Variants in ELOVL5 observed in about 807,000 individuals in gnomAD.
ELOVL5 encodes very long chain fatty acid elongase 5.
ELOVL5 carries 8 observed loss-of-function variants against 38.6 expected under a neutral mutation model. The ratio of observed to expected loss-of-function variants is 0.21; its 90% CI spans 0.12 to 0.37. The LOEUF (loss-of-function observed/expected upper bound fraction) is 0.37. Among genes scored for constraint, ELOVL5 ranks in the 10% least tolerant of loss-of-function variants. The pLI, the probability that ELOVL5 is intolerant of heterozygous loss-of-function variation, is 1.00. For missense variants in ELOVL5, 280 were observed against 367.8 expected, an observed-to-expected ratio of 0.76 and a Z score of 1.95; for synonymous variants, 127 against 133.7, an observed-to-expected ratio of 0.95 and a Z score of 0.34.
chr6:53,318,658 T>C (rs1768153441), intron 1 of ELOVL5, among the ~76,000 whole-genome samples: 1 of 151,992 alleles, frequency 6.6e-6, no homozygotes, highest in Non-Finnish European at 1.5e-5. Flanking sequence ...GAGGATGGCT[T>C]GAGCCCAGGC....
chr6:53,298,709 T>C (rs532365206), intron 1 of ELOVL5, among the ~76,000 whole-genome samples: 85 of 152,304 alleles, frequency 5.6e-4, no homozygotes, highest in African/African-American at 2.0e-3. Flanking sequence ...CTGTCTCTGC[T>C]TCTCGGCAGG....
intron 6 of ELOVL5, among the ~76,000 whole-genome samples, chr6:53,271,718 C>T (rs2294861): frequency 0.34 from 51,109 of 152,048 alleles, 9,213 homozygotes; most frequent in African/African-American, 0.47. Context: ...CTCAGCCTCC[C>T]GAGTGACCGG....
chr6:53,306,141 C>T lies in ELOVL5; in HGVS notation c.-8-10434G>A, dbSNP rs553630207. On this transcript the variant is annotated intron_variant, in intron 1 of 7. Transcript: ENST00000304434. ...ATCAGGCAGGGAGGTTGCAGTGAGC[C>T]GAGATGGCAGCAGCACAGTCCAGCT... 1.2e-4 allele frequency among the ~76,000 whole-genome samples: 18 copies of T among 147,796 alleles called. No individual in the cohort carries two copies. The East Asian group carries it at 3.5e-3, about 28-fold the overall frequency.
intron 1 of ELOVL5, among the ~76,000 whole-genome samples, chr6:53,302,188 C>A (rs1767283715): frequency 6.6e-6 from 1 of 152,216 alleles, no homozygotes. Context: ...GAGAGTCCTG[C>A]TCATGTGGAA....
At chr6:53,342,118 C>T (rs1375088891) in intron 1 of ELOVL5, among the ~76,000 whole-genome samples, 2 of 150,798 alleles carry the variant, frequency 1.3e-5, no homozygotes, top group African/African-American at 5.0e-5. Flanking sequence ...TGCAGAAGTT[C>T]GGACAGAAGC....
At chr6:53,306,255 AGAGG>A (rs1561878533) in intron 1 of ELOVL5, among the ~76,000 whole-genome samples, 1 of 516 alleles carries the variant, frequency 1.9e-3, no homozygotes, top group Non-Finnish European at 2.9e-3. Flanking sequence ...GGGAGAGGGG[AGAGG>A]GAGAGGGGAG....
rs148317771 is a variant in ELOVL5 at position 53,301,604 on chromosome 6, G to A, written c.-8-5897C>T. Among the ~76,000 whole-genome samples, 1,446 of 152,138 alleles carry A rather than the reference G, an allele frequency of 9.5e-3. 11 individuals are homozygous for A. Among genetic ancestry groups the A allele is most frequent in the Non-Finnish European group, 0.015 (1,031 of 67,996 alleles). On this transcript the variant is annotated intron_variant, in intron 1 of 7. Transcript: ENST00000304434. ...TTCCCAGAATTACAGGTTACAACAGGGAGTAGTAACAGGGCCCAGTGAAAA... is the reference window on the plus strand; with the variant it reads ...TTCCCAGAATTACAGGTTACAACAGAGAGTAGTAACAGGGCCCAGTGAAAA...
chr6:53,281,329 T>C lies in ELOVL5; in HGVS notation c.247-5073A>G, dbSNP rs75977834. Among the ~76,000 whole-genome samples, 436 of 152,348 alleles carry C rather than the reference T, an allele frequency of 2.9e-3. 4 individuals carry two copies. Among genetic ancestry groups the C allele is most frequent in the African/African-American group, 9.9e-3 (412 of 41,582 alleles). ...GAATACGTAGGGTTGACCCTCTTCATAGCTTTGTTTCTGTGTGAGTCCTCA... is the reference window on the plus strand; with the variant it reads ...GAATACGTAGGGTTGACCCTCTTCACAGCTTTGTTTCTGTGTGAGTCCTCA... On this transcript the variant is annotated intron_variant, in intron 3 of 7. Transcript: ENST00000304434.
intron 1 of ELOVL5, among the ~76,000 whole-genome samples, chr6:53,312,025 GT>G (rs1327772352): frequency 6.6e-6 from 1 of 152,150 alleles, no homozygotes; most frequent in Non-Finnish European, 1.5e-5. Context: ...ACTTATGATT[GT>G]CATCAGTGAT....
At chr6:53,317,032 T>C (rs1768073645) in intron 1 of ELOVL5, among the ~76,000 whole-genome samples, 1 of 152,186 alleles carries the variant, frequency 6.6e-6, no homozygotes, top group Admixed American at 6.5e-5. Context: ...AAGTTCATAG[T>C]ATTAAATGTA....
At chr6:53,331,918 C>T (rs1768821756) in intron 1 of ELOVL5, among the ~76,000 whole-genome samples, 1 of 152,094 alleles carries the variant, frequency 6.6e-6, no homozygotes, top group Admixed American at 6.5e-5. Context: ...TCTGGTGGGG[C>T]CTCAGGAAGC....
chr6:53,312,685 T>C (rs1172875404), intron 1 of ELOVL5, among the ~76,000 whole-genome samples: 1 of 152,206 alleles, frequency 6.6e-6, no homozygotes, highest in Non-Finnish European at 1.5e-5. Context: ...GGGATCTCTG[T>C]ATTATTTCTT....
At chr6:53,346,052 C>T (rs1379700260) in intron 1 of ELOVL5, among the ~76,000 whole-genome samples, 1 of 152,108 alleles carries the variant, frequency 6.6e-6, no homozygotes, top group African/African-American at 2.4e-5. Context: ...CTAATGCTCT[C>T]CCTCCCCTTG....
At chr6:53,271,809 G>A (rs1765942257) in intron 6 of ELOVL5, among the ~76,000 whole-genome samples, 1 of 152,030 alleles carries the variant, frequency 6.6e-6, no homozygotes, top group South Asian at 2.1e-4. Flanking sequence ...GGAATAACTA[G>A]GAGTGGTGCT....
At position 53,270,586 on chromosome 6, in the gene ELOVL5, G is replaced by A. The variant is rs1259643424; in HGVS notation, c.756+7C>T. 1 of 1,614,042 alleles carries A rather than the reference G, an allele frequency of 6.2e-7. No homozygotes were observed. Among genetic ancestry groups the A allele is most frequent in the South Asian group, 1.1e-5 (1 of 91,078 alleles). On this transcript the variant is annotated splice_region_variant and intron_variant, in intron 7 of 7. Transcript: ENST00000304434. The stretch of plus-strand genomic sequence containing the variant: ...GATTCCAAGTCCCAGAGAAGGGTGA[G>A]ATTTACCTGAATGTAGAAGTTTGTG...
rs150477997 is a variant in ELOVL5, at chr6:53,286,007, G to A, written c.246+5769C>T. Among the ~76,000 whole-genome samples the A allele has an allele frequency of 2.6e-3, 396 of 152,094 alleles. 2 individuals are homozygous for A. The highest frequency in any genetic ancestry group is 0.014 in the Middle Eastern group (4 of 294). On this transcript the variant is annotated intron_variant, in intron 3 of 7. Coordinates refer to ENST00000304434, the MANE Select transcript of ELOVL5 (RefSeq NM_021814.5). ...TAAACATAACTTTTATATGCACTGC[G>A]AAACCAAAAATGGTATGACTTACTT...
At chr6:53,271,218 G>C (rs1765905575) in intron 6 of ELOVL5, among the ~76,000 whole-genome samples, 1 of 152,216 alleles carries the variant, frequency 6.6e-6, no homozygotes, top group African/African-American at 2.4e-5. Context: ...TGAAACGCAT[G>C]TGAACTGGTT....
intron 2 of ELOVL5, chr6:53,294,439 T>C: frequency 1.3e-6 from 2 of 1,550,636 alleles, no homozygotes; most frequent in Non-Finnish European, 1.7e-6. Context: ...GCTGTAGCCA[T>C]CCTACAACTG....
intron 1 of ELOVL5, among the ~76,000 whole-genome samples, chr6:53,346,310 T>A (rs150655732): frequency 2.0e-5 from 3 of 152,172 alleles, no homozygotes; most frequent in Non-Finnish European, 4.4e-5. Context: ...CAGTCTATCA[T>A]TGATGGGCAT....
Sources: gnomAD v4.1 joint callset for allele counts (sites outside exome capture counted in the v4.1 genomes callset) on GRCh38, gnomAD v4.1.1 for gene constraint, MANE v1.5 for transcripts, NCBI Gene and HGNC (gene_info 2026-07-23, HGNC 2026-07-21) for gene names.